The following TANC2 variants were observed in gnomAD, a reference collection of about 807,000 sequenced individuals.
The protein encoded by TANC2 is tetratricopeptide repeat, ankyrin repeat and coiled-coil containing 2, also known as protein TANC2.
Under a neutral mutation model 210.5 loss-of-function variants are expected in TANC2, and 26 were observed. The observed-to-expected ratio is 0.12, with a 90% confidence interval of 0.09 to 0.17. The LOEUF (loss-of-function observed/expected upper bound fraction) is 0.17. TANC2 is among the 10% of genes least tolerant of loss of function. The pLI is 1.00. For missense variants in TANC2, 2,129 were observed against 2,608.9 expected (o/e 0.82, Z 4.01); for synonymous variants, 931 against 967.1 (o/e 0.96, Z 0.69).
At chr17:63,188,192 C>T (rs936415416) in intron 5 of TANC2, among the ~76,000 whole-genome samples, 1 of 151,832 alleles carries the variant, frequency 6.6e-6, no homozygotes, top group Non-Finnish European at 1.5e-5. Flanking sequence ...GTGACATGCA[C>T]CTGTATTCCC....
At chr17:63,151,836 T>G (rs904254309) in intron 5 of TANC2, 1 of 152,180 alleles carries the variant, frequency 6.6e-6, no homozygotes, top group Non-Finnish European at 1.5e-5. Flanking sequence ...AAAATACTTG[T>G]GATGCTGGAA....
intron 2 of TANC2, among the ~76,000 whole-genome samples, chr17:63,068,282 T>G (rs2036273926): frequency 6.6e-6 from 1 of 152,184 alleles, no homozygotes; most frequent in Non-Finnish European, 1.5e-5. Flanking sequence ...TTCGCGTTGT[T>G]TAGCAGAAAT....
At chr17:63,307,479 C>A (rs1373697073) in intron 9 of TANC2, among the ~76,000 whole-genome samples, 2 of 152,144 alleles carry the variant, frequency 1.3e-5, no homozygotes, top group Admixed American at 1.3e-4. Flanking sequence ...CTAAGATATT[C>A]AGACCTTCAT....
chr17:63,204,837 CA>C lies in TANC2; in HGVS notation c.769+3881del, dbSNP rs1192534498. Among the ~76,000 whole-genome samples, 9 of 152,270 alleles carry C rather than the reference CA, an allele frequency of 5.9e-5. No individual in the cohort carries two copies. The East Asian group carries it at 1.7e-3, about 29-fold the overall frequency. On this transcript the variant is annotated intron_variant, in intron 7 of 27. Coordinates refer to ENST00000689528, the Ensembl canonical transcript of TANC2. ...CAGTGGCTCATGCCTGTAATCCCAGCACTTTGAGAAGCCAAGGCAGACGGAT... is the reference window on the plus strand; with the variant it reads ...CAGTGGCTCATGCCTGTAATCCCAGCCTTTGAGAAGCCAAGGCAGACGGAT...
chr17:63,310,214 A>G (rs1257527968), intron 9 of TANC2, among the ~76,000 whole-genome samples: 2 of 152,210 alleles, frequency 1.3e-5, no homozygotes, highest in African/African-American at 2.4e-5. Context: ...TGGGAGGCCA[A>G]GGCAGGTGGA....
At chr17:63,279,598 GA>G (rs369956415) in intron 9 of TANC2, among the ~76,000 whole-genome samples, 5 of 152,124 alleles carry the variant, frequency 3.3e-5, no homozygotes, top group African/African-American at 1.2e-4. Flanking sequence ...GCCTTGCTAG[GA>G]AATACTAAAC....
intron 9 of TANC2, among the ~76,000 whole-genome samples, chr17:63,290,972 G>A (rs2044366116): frequency 6.6e-6 from 1 of 152,026 alleles, no homozygotes; most frequent in Non-Finnish European, 1.5e-5. Flanking sequence ...GATGGATGTG[G>A]ATCCAGCCTT....
intron 7 of TANC2, among the ~76,000 whole-genome samples, chr17:63,206,018 C>T (rs180712005): frequency 6.6e-6 from 1 of 152,228 alleles, no homozygotes; most frequent in Admixed American, 6.5e-5. Flanking sequence ...CAACAACAAA[C>T]CATTTCAAAA....
intron 4 of TANC2, among the ~76,000 whole-genome samples, chr17:63,130,052 T>C (rs1475783991): frequency 6.6e-6 from 1 of 152,188 alleles, no homozygotes. Context: ...AAAAAAATTA[T>C]AATCACCACC....
rs757823773 is a variant in TANC2 at position 63,421,470 on chromosome 17, CAAG to C, written c.5741_5743del (p.Gln1914_Gly1915delinsArg). 10 of 1,613,908 alleles carry C rather than the reference CAAG, an allele frequency of 6.2e-6. No individual in the cohort carries two copies. Among genetic ancestry groups the C allele is most frequent in the African/African-American group, 4.0e-5 (3 of 74,936 alleles). ...CGAGCTGTCGCCAGTGTCTCCAACT[CAAG>C]GAGGTTACCCCAGTGAGCCCACCCG... On this transcript the variant is annotated inframe_deletion, in exon 28 of 28. Coordinates refer to ENST00000689528, the Ensembl canonical transcript of TANC2. The surrounding 1 kb of genome is among the most constrained non-coding windows in gnomAD (Gnocchi z 6.9).
At chr17:63,375,941 T>G (rs2047409839) in intron 14 of TANC2, among the ~76,000 whole-genome samples, 1 of 150,672 alleles carries the variant, frequency 6.6e-6, no homozygotes, top group Admixed American at 6.6e-5. Flanking sequence ...TACAAAAAAT[T>G]AGCTGGGCAT....
intron 9 of TANC2, among the ~76,000 whole-genome samples, chr17:63,290,253 C>A (rs942015837): frequency 7.9e-5 from 12 of 152,280 alleles, no homozygotes; most frequent in Middle Eastern, 6.8e-3. Context: ...CTGAGTGCCC[C>A]TGGAGTTGTT....
At chr17:63,170,737 GTAT>G (rs761549411) in intron 5 of TANC2, among the ~76,000 whole-genome samples, 2 of 152,110 alleles carry the variant, frequency 1.3e-5, no homozygotes, top group Non-Finnish European at 2.9e-5. Flanking sequence ...AATCGAAATG[GTAT>G]TATTAACCAG....
At position 62,966,514 on chromosome 17, in the gene TANC2, C is replaced by G. The variant is rs548824189; in HGVS notation, c.-259C>G. ...GGCGCCCGCCGCCGCCGAGCCGAGC[C>G]GAGGGGCGAGAGCTGGCCCCCGAGC... On this transcript the variant is annotated 5_prime_UTR_variant, in exon 1 of 28. Coordinates refer to ENST00000689528, the Ensembl canonical transcript of TANC2. The surrounding 1 kb of genome is among the most constrained non-coding windows in gnomAD (Gnocchi z 5.1). 4.7e-5 allele frequency among the ~76,000 whole-genome samples: 7 copies of G among 149,550 alleles called. No homozygotes were observed. Among genetic ancestry groups the G allele is most frequent in the African/African-American group, 7.3e-5 (3 of 41,140 alleles).
At chr17:63,117,369 A>G (rs2038291531) in intron 4 of TANC2, among the ~76,000 whole-genome samples, 1 of 152,126 alleles carries the variant, frequency 6.6e-6, no homozygotes, top group East Asian at 1.9e-4. Context: ...TACAACCTAT[A>G]TTTGCTGCAG....
intron 11 of TANC2, among the ~76,000 whole-genome samples, chr17:63,326,107 T>TA (rs1194067075): frequency 3.3e-5 from 5 of 152,170 alleles, no homozygotes; most frequent in African/African-American, 1.2e-4. Flanking sequence ...TACAGCTAAT[T>TA]AAACAACAGG....
At chr17:63,094,519 T>G (rs2037317557) in intron 3 of TANC2, among the ~76,000 whole-genome samples, 1 of 152,182 alleles carries the variant, frequency 6.6e-6, no homozygotes, top group Admixed American at 6.5e-5. Context: ...TTATCACAAG[T>G]GAACATATTA....
At chr17:63,011,474 A>G (rs1271321272) in intron 2 of TANC2, among the ~76,000 whole-genome samples, 1 of 152,176 alleles carries the variant, frequency 6.6e-6, no homozygotes, top group Non-Finnish European at 1.5e-5. Flanking sequence ...CAAACATTTC[A>G]TATCCTTACT....
At chr17:63,369,873 G>A (rs1462016206) in intron 14 of TANC2, among the ~76,000 whole-genome samples, 2 of 152,038 alleles carry the variant, frequency 1.3e-5, no homozygotes, top group African/African-American at 4.8e-5. Context: ...AAAGTGCTGG[G>A]ATTACAGGTG....
Sources: gnomAD v4.1 joint callset for allele counts (sites outside exome capture counted in the v4.1 genomes callset) on GRCh38, gnomAD v4.1.1 for gene constraint, Gnocchi (gnomAD v3.1) non-coding constraint, MANE v1.5 for transcripts, NCBI Gene and HGNC (gene_info 2026-07-23, HGNC 2026-07-21) for gene names.